TNXB: variants seen among roughly 807,000 people sequenced by gnomAD.
TNXB encodes the protein tenascin XB, also known as tenascin-X.
In TNXB, 183 loss-of-function variants were observed where a neutral mutation model predicts 340.5. The observed-to-expected ratio is 0.54, with a 90% confidence interval of 0.48 to 0.61. The LOEUF (loss-of-function observed/expected upper bound fraction) is 0.61. TNXB is among the 20% of genes least tolerant of loss of function. TNXB has a pLI of 0.00. For synonymous variants in TNXB, 2,121 were observed against 2,314.5 expected, an observed-to-expected ratio of 0.92 and a Z score of 2.40; for missense variants, 4,613 against 5,446.4, an observed-to-expected ratio of 0.85 and a Z score of 4.82.
rs201703963 is a variant in TNXB, at chr6:32,095,926, T to C, written c.1927A>G (p.Thr643Ala). ...ATGCGGGTGGCACAGGTAGGGCCGGTGTAGCCTGGGTCGCACAGGCAGCGC... is the reference window on the plus strand; with the variant it reads ...ATGCGGGTGGCACAGGTAGGGCCGGCGTAGCCTGGGTCGCACAGGCAGCGC... ...EGRCLCDPGYTGPTCATRMCP... is the reference protein window; with the variant it reads ...EGRCLCDPGYAGPTCATRMCP... The change falls in exon 3 of 44, where the codon ACC becomes GCC. Residue 643 changes from threonine (T) to alanine (A), a missense_variant. Thr to Ala is a moderately conservative substitution (Grantham distance 58). Coordinates refer to ENST00000644971, the MANE Select transcript of TNXB (RefSeq NM_001365276.2). The C allele has an allele frequency of 3.2e-4, 514 of 1,612,806 alleles. 4 individuals are homozygous for C. The African/African-American group carries it at 5.0e-3, about 16-fold the overall frequency.
Position 32,061,865 on chromosome 6 carries a change from G to T in TNXB, c.7169-145C>A. ...GGGGACCTGAGGTCAGTTCAGAGAGGCCCATTCTTGGGGTCCTGCTCAGCT... is the reference window on the plus strand; with the variant it reads ...GGGGACCTGAGGTCAGTTCAGAGAGTCCCATTCTTGGGGTCCTGCTCAGCT... On this transcript the variant is annotated intron_variant, in intron 20 of 43. Coordinates refer to ENST00000644971, the MANE Select transcript of TNXB (RefSeq NM_001365276.2). This position sits in a 1 kb window ranked among gnomAD's most constrained non-coding sequence, Gnocchi z 4.4. 2 of 1,223,528 alleles carry T rather than the reference G, an allele frequency of 1.6e-6. No homozygotes were observed. Among genetic ancestry groups the T allele is most frequent in the Non-Finnish European group, 2.2e-6 (2 of 898,498 alleles). 75.8% of individuals were successfully genotyped at this position (1,223,528 alleles called of 1,614,324 possible).
In TNXB at chr6:32,072,035, G is replaced by A; in HGVS notation, c.4945C>T (p.Gln1649Ter). 1 of 1,609,598 alleles carries A rather than the reference G, an allele frequency of 6.2e-7. No homozygotes were observed. ...ACTGGGCTGCGTCGTTTCCCATCCT[G>A]GATCCCAAAGAGCAGGAACTTGTAC... ...RKYKFLLFGIQDGKRRSPVSV... is the reference protein window; with the variant it reads ...RKYKFLLFGI Residue 1649 changes from glutamine (Q) to a stop codon, truncating the protein, a stop_gained, in exon 13 of 44, where the codon CAG (glutamine) becomes TAG (stop). Coordinates refer to ENST00000644971, the MANE Select transcript of TNXB (RefSeq NM_001365276.2). LOFTEE classifies it high-confidence loss of function. The surrounding 1 kb of genome is among the most constrained non-coding windows in gnomAD (Gnocchi z 4.4).
chr6:32,072,146 T>G lies in TNXB; in HGVS notation c.4834A>C (p.Lys1612Gln). The G allele has an allele frequency of 6.2e-7, 1 of 1,613,598 alleles. No homozygotes were observed. Among genetic ancestry groups the G allele is most frequent in the African/African-American group, 1.3e-5 (1 of 75,034 alleles). The change falls in exon 13 of 44, where the codon AAG becomes CAG. Residue 1612 changes from lysine to glutamine, a missense_variant. Lys to Gln is a moderately conservative substitution (Grantham distance 53, BLOSUM62 1). Transcript: ENST00000644971. The surrounding 1 kb of genome is among the most constrained non-coding windows in gnomAD (Gnocchi z 4.4). ...ACCTGGGGCTGCCCGTCCCTGTCCT[T>G]GTACTGAACCACAAAGGAGTCGAAT... ...GEFDSFVVQY[K>Q]DRDGQPQVVP...
chr6:32,106,133 G>GT (rs1031691228), intron 1 of TNXB, among the ~76,000 whole-genome samples: 5 of 148,858 alleles, frequency 3.4e-5, no homozygotes, highest in Non-Finnish European at 7.5e-5. Context: ...TAGGGGCATG[G>GT]GGGGGGGGGC....
chr6:32,061,206 T>TGACCATTAGAG lies in TNXB; in HGVS notation c.7492+180_7492+190dup, dbSNP rs1777983980. On this transcript the variant is annotated intron_variant, in intron 21 of 43. Transcript: ENST00000644971. The surrounding 1 kb of genome is among the most constrained non-coding windows in gnomAD (Gnocchi z 4.4). ...TTCACTCTTGGAGGTTATCAGTGGT[T>TGACCATTAGAG]GACCATTAGAGGGAGGCCACGCCAA... Among the ~76,000 whole-genome samples, 1 of 151,812 alleles carries TGACCATTAGAG rather than the reference T, an allele frequency of 6.6e-6. No homozygotes were observed. Among genetic ancestry groups the TGACCATTAGAG allele is most frequent in the African/African-American group, 2.4e-5 (1 of 41,088 alleles).
rs748267241 is a variant in TNXB at position 32,047,855 on chromosome 6, C to T, written c.10203G>A (p.Val3401=). Residue 3401 remains valine, a synonymous_variant, in exon 30 of 44, where the codon GTG becomes GTA. Transcript: ENST00000644971. This position sits in a 1 kb window ranked among gnomAD's most constrained non-coding sequence, Gnocchi z 6.2. ...CTGTGACCTCCCGCTGGTTGGCTGC[C>T]ACCGGCACCACCTGGAGCCGACCAT... ...DKDGRLQVVP[V]AANQREVTVQ... 1.2e-6 allele frequency: 2 copies of T among 1,612,070 alleles called. No homozygotes were observed. Among genetic ancestry groups the T allele is most frequent in the East Asian group, 2.2e-5 (1 of 44,894 alleles).
In TNXB at chr6:32,069,805, C is replaced by A; in HGVS notation, c.5335G>T (p.Gly1779Trp). ...GTKRPPKPRL[G>W]EELQVTTVTQ... ...ACGGTGGTCACCTGCAGCTCCTCCCCCAGACGGGGTTTTGGGGGACGCTTT... is the reference window on the plus strand; with the variant it reads ...ACGGTGGTCACCTGCAGCTCCTCCCACAGACGGGGTTTTGGGGGACGCTTT... Residue 1779 changes from glycine (G) to tryptophan (W), a missense_variant, in exon 15 of 44, where the codon GGG (glycine) becomes TGG (tryptophan). By Grantham distance (184) the Gly-to-Trp change is radical. Around this residue, in one of 7 missense-constraint regions of TNXB, gnomAD observed 4,327 missense variants for 4,859.4 expected, o/e 0.89. Coordinates refer to ENST00000644971, the MANE Select transcript of TNXB (RefSeq NM_001365276.2). This position sits in a 1 kb window ranked among gnomAD's most constrained non-coding sequence, Gnocchi z 6.2. The A allele has an allele frequency of 6.2e-7, 1 of 1,609,928 alleles. No individual in the cohort carries two copies. Among genetic ancestry groups the A allele is most frequent in the East Asian group, 2.2e-5 (1 of 44,820 alleles).
Position 32,088,778 on chromosome 6 carries a change from G to C in TNXB, c.2779+7C>G. 1.9e-6 allele frequency: 3 copies of C among 1,563,506 alleles called. No homozygotes were observed. The highest frequency in any genetic ancestry group is 2.6e-6 in the Non-Finnish European group (3 of 1,155,334). ...AGGGCCCTTCCCTAACCTCTGGCCA[G>C]CCATACCTGTGTTGGCCCTGACAGA... On this transcript the variant is annotated splice_region_variant and intron_variant, in intron 6 of 43. Coordinates refer to ENST00000644971, the MANE Select transcript of TNXB (RefSeq NM_001365276.2).
Position 32,043,812 on chromosome 6 carries a change from C to T in TNXB, c.11467G>A (p.Val3823Met), listed in dbSNP as rs761027837. 2 of 1,613,624 alleles carry T rather than the reference C, an allele frequency of 1.2e-6. No homozygotes were observed. Among genetic ancestry groups the T allele is most frequent in the East Asian group, 2.2e-5 (1 of 44,878 alleles). ...AAGCCTCGGACCGAGACCACGGTCA[C>T]CTCATAGCGAGCGCCTGGGATCAGC... ...QGLIPGARYE[V>M]TVVSVRGFEE... is the part of the protein sequence containing the mutation. The change falls in exon 35 of 44, where the codon GTG becomes ATG. Residue 3823 changes from valine to methionine, a missense_variant. Physicochemically the swap from Val to Met is conservative, Grantham distance 21. Around this residue, in one of 7 missense-constraint regions of TNXB, gnomAD observed 114 missense variants for 104.5 expected, o/e 1.09. Transcript: ENST00000644971.
rs1438902245 is a variant in TNXB, at chr6:32,069,547, A to G, written c.5587+6T>C. The G allele has an allele frequency of 1.3e-6, 2 of 1,552,346 alleles. No homozygotes were observed. Among genetic ancestry groups the G allele is most frequent in the African/African-American group, 1.4e-5 (1 of 73,734 alleles). ...GGCACAGGTGTTCCAGCTGCCGCAC[A>G]CTCACCAGTAATGGCGACGGCCGAG... On this transcript the variant is annotated splice_donor_region_variant and intron_variant, in intron 15 of 43. Coordinates refer to ENST00000644971, the MANE Select transcript of TNXB (RefSeq NM_001365276.2). The surrounding 1 kb of genome is among the most constrained non-coding windows in gnomAD (Gnocchi z 6.2).
In TNXB at chr6:32,081,685, G is replaced by C. The variant is rs1447736000; in HGVS notation, c.3737-12C>G. The C allele has an allele frequency of 6.4e-7, 1 of 1,557,124 alleles. No individual in the cohort carries two copies. The highest frequency in any genetic ancestry group is 8.7e-7 in the Non-Finnish European group (1 of 1,148,614). ...TTTCCTCTCTGGAGCTGTAAACAAGGAGATCCAGCCAGGTGCTGAACTGGC... is the reference window on the plus strand; with the variant it reads ...TTTCCTCTCTGGAGCTGTAAACAAGCAGATCCAGCCAGGTGCTGAACTGGC... On this transcript the variant is annotated splice_polypyrimidine_tract_variant and intron_variant, in intron 9 of 43. Transcript: ENST00000644971. This position sits in a 1 kb window ranked among gnomAD's most constrained non-coding sequence, Gnocchi z 5.1.
rs1209741162 is a variant in TNXB, at chr6:32,056,193, G to A, written c.8144-19C>T. On this transcript the variant is annotated intron_variant, in intron 23 of 43. Coordinates refer to ENST00000644971, the MANE Select transcript of TNXB (RefSeq NM_001365276.2). ...TCTGCAGCTGAGAAAAGGAGATATA[G>A]AGAGGATGCCAGGTGCCTGGGGGAT... 3 of 1,603,874 alleles carry A rather than the reference G, an allele frequency of 1.9e-6. No homozygotes were observed. The highest frequency in any genetic ancestry group is 2.6e-6 in the Non-Finnish European group (3 of 1,173,588).
In TNXB at chr6:32,073,836, C is replaced by T. The variant is rs374750804; in HGVS notation, c.4492G>A (p.Glu1498Lys). The T allele has an allele frequency of 1.9e-5, 31 of 1,612,406 alleles. 1 individual carries two copies. Among genetic ancestry groups the T allele is most frequent in the South Asian group, 1.1e-4 (10 of 90,830 alleles). Reference protein sequence around the residue: ...NSVGLSWTVPEGQFDSFIVQY... With the variant: ...NSVGLSWTVPKGQFDSFIVQY... ...ACTATGAAGGAGTCAAACTGGCCCT[C>T]GGGGACTGTCCAGGAGAGGCCCACA... The change falls in exon 12 of 44, where the codon GAG becomes AAG. Residue 1498 changes from glutamate to lysine, a missense_variant. Physicochemically the swap from Glu to Lys is moderately conservative, Grantham distance 56. Transcript: ENST00000644971. The surrounding 1 kb of genome is among the most constrained non-coding windows in gnomAD (Gnocchi z 4.6).
intron 26 of TNXB, among the ~76,000 whole-genome samples, chr6:32,050,771 A>C (rs1421142068): frequency 6.6e-6 from 1 of 151,704 alleles, no homozygotes; most frequent in African/African-American, 2.4e-5. Context: ...CTCTCCCCCG[A>C]GTTTCCCTGG....
chr6:32,068,703 C>T lies in TNXB; in HGVS notation c.5907G>A (p.Pro1969=), dbSNP rs762646150. 64 of 1,612,794 alleles carry T rather than the reference C, an allele frequency of 4.0e-5. No homozygotes were observed. The Admixed American group carries it at 5.3e-4, about 13-fold the overall frequency. Residue 1969 remains proline, a synonymous_variant, in exon 17 of 44, where the codon CCG becomes CCA. Coordinates refer to ENST00000644971, the MANE Select transcript of TNXB (RefSeq NM_001365276.2). This position sits in a 1 kb window ranked among gnomAD's most constrained non-coding sequence, Gnocchi z 5.3. ...GPVHVEALTV[P]EEEKPSEPPT... is the part of the protein sequence containing the mutation. ...GAGGTTCTGAAGGCTTCTCCTCCTC[C>T]GGGACTGGACAGAGACATGGAAAGA...
rs116187244 is a variant in TNXB, at chr6:32,079,960, A to G, written c.4043-595T>C. ...GCCCCCTACAGTTAGGTCTCTGCTG[A>G]GGCTCCATGGAGTGGGGAGACTGTG... On this transcript the variant is annotated intron_variant, in intron 10 of 43. Coordinates refer to ENST00000644971, the MANE Select transcript of TNXB (RefSeq NM_001365276.2). The surrounding 1 kb of genome is among the most constrained non-coding windows in gnomAD (Gnocchi z 7.1). Among the ~76,000 whole-genome samples, 1 of 152,284 alleles carries G rather than the reference A, an allele frequency of 6.6e-6. No homozygotes were observed. Among genetic ancestry groups the G allele is most frequent in the Non-Finnish European group, 1.5e-5 (1 of 68,026 alleles).
chr6:32,103,577 GC>G (rs1562886894), intron 1 of TNXB, among the ~76,000 whole-genome samples: 1 of 151,886 alleles, frequency 6.6e-6, no homozygotes, highest in South Asian at 2.1e-4. Flanking sequence ...GCCTATGCAT[GC>G]CTCAATCCAC....
Position 32,071,971 on chromosome 6 carries a change from G to C in TNXB, c.4990+19C>G, listed in dbSNP as rs1282055060. On this transcript the variant is annotated intron_variant, in intron 13 of 43. Transcript: ENST00000644971. Reference sequence around the variant, plus strand: ...GAAGGCTGTGGCCTCAGGCTCAGCTGTGTAGGGGCCCATCTCACCCGTCTT... The same window carrying C: ...GAAGGCTGTGGCCTCAGGCTCAGCTCTGTAGGGGCCCATCTCACCCGTCTT... 1.3e-6 allele frequency: 2 copies of C among 1,576,590 alleles called. No individual in the cohort carries two copies. Among genetic ancestry groups the C allele is most frequent in the Non-Finnish European group, 1.7e-6 (2 of 1,159,068 alleles).
Position 32,047,679 on chromosome 6 carries a change from G to C in TNXB, c.10324+55C>G, listed in dbSNP as rs1051510542. The C allele has an allele frequency of 5.9e-6, 9 of 1,526,758 alleles. No individual in the cohort carries two copies. The highest frequency in any genetic ancestry group is 1.4e-5 in the African/African-American group (1 of 72,886). 94.6% of individuals were successfully genotyped at this position (1,526,758 alleles called of 1,614,324 possible). A position where few individuals can be genotyped will look rare whatever the true frequency, so the allele number is the denominator to read the frequency against. On this transcript the variant is annotated intron_variant, in intron 30 of 43. Transcript: ENST00000644971. The surrounding 1 kb of genome is among the most constrained non-coding windows in gnomAD (Gnocchi z 6.2). ...ACGGGAAGGCTGCAGGGCCAGCTCT[G>C]AGGGCTCGGATGAGAGGCAGCTCTG...
Sources: allele counts gnomAD v4.1 joint callset (sites outside exome capture counted in the v4.1 genomes callset), GRCh38; gene constraint gnomAD v4.1.1; regional missense constraint gnomAD v4.1.1; non-coding constraint Gnocchi (gnomAD v3.1); transcripts MANE v1.5; gene names NCBI Gene and HGNC (gene_info 2026-07-23, HGNC 2026-07-21).